The following MCUB variants were observed in gnomAD, a reference collection of about 807,000 sequenced individuals.
The protein encoded by MCUB is mitochondrial calcium uniporter dominant negative subunit beta, also known as calcium uniporter regulatory subunit MCUb, mitochondrial.
In MCUB, 46 loss-of-function variants were observed where a neutral mutation model predicts 41.4. That is an observed-to-expected ratio of 1.11 (90% confidence interval 0.88 to 1.42). The LOEUF (loss-of-function observed/expected upper bound fraction) is 1.42, where lower values mean the gene tolerates loss of function less well. Among genes scored for constraint, MCUB ranks in the 40% most tolerant of loss-of-function variants. The probability of loss-of-function intolerance (pLI) is 0.00; values close to 1 mark genes in which losing one functional copy is unlikely to be tolerated. For synonymous variants in MCUB, 148 were observed against 148.2 expected (o/e 1.00, Z 0.01); for missense variants, 403 against 404.9 (o/e 1.00, Z 0.04).
At chr4:109,614,713 TTCATCCG>T (rs1467647600) in intron 1 of MCUB, among the ~76,000 whole-genome samples, 13 of 151,298 alleles carry the variant, frequency 8.6e-5, no homozygotes, top group Non-Finnish European at 1.5e-5. Flanking sequence ...TTCCCCACTT[TTCATCCG>T]TCATCCTTTC....
chr4:109,654,631 T>C (rs555510915), intron 1 of MCUB, among the ~76,000 whole-genome samples: 4 of 151,992 alleles, frequency 2.6e-5, no homozygotes, highest in Admixed American at 2.6e-4. Context: ...GAAAAAAAAA[T>C]CATAGATCAA....
At chr4:109,603,024 G>T (rs759735501) in intron 1 of MCUB, among the ~76,000 whole-genome samples, 3 of 152,058 alleles carry the variant, frequency 2.0e-5, no homozygotes, top group Non-Finnish European at 2.9e-5. Context: ...ACTGATTTTT[G>T]TATGTTGATT....
rs1393164701 is a variant in MCUB at position 109,678,379 on chromosome 4, C to T, written c.452-4203C>T. On this transcript the variant is annotated intron_variant, in intron 4 of 7. Transcript: ENST00000394650. The stretch of plus-strand genomic sequence containing the variant: ...CCCAGGTGGGGCGGCCGGGCAGAGG[C>T]GCTCCTCACTTCCCACACGGGGCGG... Among the ~76,000 whole-genome samples the T allele has an allele frequency of 5.3e-5, 8 of 150,374 alleles. 1 individual carries two copies. The highest frequency in any genetic ancestry group is 3.5e-3 in the Middle Eastern group (1 of 286).
chr4:109,618,090 C>T (rs1008305715), intron 1 of MCUB, among the ~76,000 whole-genome samples: 1 of 152,212 alleles, frequency 6.6e-6, no homozygotes, highest in Admixed American at 6.5e-5. Context: ...TGTTTCATCT[C>T]AAACCCAAGC....
rs910882621 is a variant in MCUB at position 109,584,003 on chromosome 4, G to T, written c.99+23567G>T. Among the ~76,000 whole-genome samples the T allele has an allele frequency of 2.6e-5, 4 of 152,150 alleles. No individual in the cohort carries two copies. The East Asian group carries it at 7.7e-4, about 29-fold the overall frequency. ...AGGATTCCTTCTTTTTCTATTGATT[G>T]TAATAGTTTCAGAAGGAATGGTACC... On this transcript the variant is annotated intron_variant, in intron 1 of 7. Transcript: ENST00000394650.
chr4:109,580,595 C>T (rs1003507088), intron 1 of MCUB, among the ~76,000 whole-genome samples: 2 of 152,198 alleles, frequency 1.3e-5, no homozygotes, highest in African/African-American at 4.8e-5. Flanking sequence ...GATGGCATCT[C>T]ATTGTGGTTT....
At chr4:109,626,279 A>G (rs1382787269) in intron 1 of MCUB, among the ~76,000 whole-genome samples, 1 of 152,208 alleles carries the variant, frequency 6.6e-6, no homozygotes, top group Admixed American at 6.5e-5. Flanking sequence ...ACAAGAAAAA[A>G]AGTTCTTATC....
At chr4:109,604,546 A>G (rs1357957467) in intron 1 of MCUB, among the ~76,000 whole-genome samples, 1 of 152,158 alleles carries the variant, frequency 6.6e-6, no homozygotes, top group Non-Finnish European at 1.5e-5. Flanking sequence ...TAGGACTATC[A>G]ATACTATGGT....
At chr4:109,674,334 A>G (rs112424612) in intron 4 of MCUB, among the ~76,000 whole-genome samples, 5,232 of 152,292 alleles carry the variant, frequency 0.034, 298 homozygotes, top group African/African-American at 0.12. Flanking sequence ...CAAGGAAGTC[A>G]AGTTAACTTA....
At chr4:109,636,184 G>C (rs866091587) in intron 1 of MCUB, among the ~76,000 whole-genome samples, 1 of 152,160 alleles carries the variant, frequency 6.6e-6, no homozygotes, top group African/African-American at 2.4e-5. Context: ...GTTTTGGGAG[G>C]CCCACCACTG....
chr4:109,587,249 G>A (rs559960100), intron 1 of MCUB, among the ~76,000 whole-genome samples: 100 of 152,346 alleles, frequency 6.6e-4, no homozygotes, highest in Non-Finnish European at 8.2e-4. Flanking sequence ...CTCCATGGGC[G>A]TGGGACCCAC....
rs183530521 is a variant in MCUB at position 109,674,108 on chromosome 4, C to G, written c.452-8474C>G. ...TATTCCATGTATCGGGAATTCTGGG[C>G]AAAACCTAAGCCTTAGAAGAAGAGA... is the stretch of plus-strand genomic sequence containing the variant. On this transcript the variant is annotated intron_variant, in intron 4 of 7. Transcript: ENST00000394650. The G allele has an allele frequency of 3.5e-6, 5 of 1,444,484 alleles. No homozygotes were observed. In the East Asian group the frequency reaches 1.1e-4, roughly 33 times the overall value. The allele number at this position is 1,444,484 out of a possible 1,614,324, so 89.5% of individuals were successfully genotyped here. A position where few individuals can be genotyped will look rare whatever the true frequency, so the allele number is the denominator to read the frequency against.
rs117657519 is a variant in MCUB, at chr4:109,607,804, C to G, written c.99+47368C>G. ...GTTATTTGTTTCTTTTCTCTTGCTG[C>G]TTTTAGGAGCCTTTTCTTTATCCTT... On this transcript the variant is annotated intron_variant, in intron 1 of 7. Coordinates refer to ENST00000394650, the MANE Select transcript of MCUB (RefSeq NM_017918.5). Among the ~76,000 whole-genome samples the G allele has an allele frequency of 1.8e-3, 276 of 152,208 alleles. 8 individuals are homozygous for G. The East Asian group carries it at 0.052, about 28-fold the overall frequency.
intron 1 of MCUB, among the ~76,000 whole-genome samples, chr4:109,644,131 A>G (rs1347347666): frequency 6.6e-6 from 1 of 152,212 alleles, no homozygotes; most frequent in Non-Finnish European, 1.5e-5. Context: ...GCTTTGTTAG[A>G]AAAGTTATAG....
chr4:109,586,202 G>T (rs1727301937), intron 1 of MCUB, among the ~76,000 whole-genome samples: 1 of 151,886 alleles, frequency 6.6e-6, no homozygotes, highest in Admixed American at 6.6e-5. Context: ...TCATTAATTT[G>T]ATCTTCAATC....
chr4:109,655,308 A>G (rs557655062), intron 1 of MCUB, among the ~76,000 whole-genome samples: 2 of 152,270 alleles, frequency 1.3e-5, no homozygotes, highest in Admixed American at 1.3e-4. Flanking sequence ...GCATTCACCA[A>G]CCTGAAAATT....
chr4:109,678,722 G>A (rs1254605780), intron 4 of MCUB, among the ~76,000 whole-genome samples: 4 of 148,124 alleles, frequency 2.7e-5, no homozygotes, highest in Non-Finnish European at 3.0e-5. Context: ...TGGCCAAGCA[G>A]AGGCGCTCCC....
In MCUB at chr4:109,569,140, G is replaced by A. The variant is rs369063241; in HGVS notation, c.99+8704G>A. ...TGGCTCACTGCAAGCTCCGCCTCCCGGGTTCACGCCATTCTCCTGCCTCAG... is the reference window on the plus strand; with the variant it reads ...TGGCTCACTGCAAGCTCCGCCTCCCAGGTTCACGCCATTCTCCTGCCTCAG... On this transcript the variant is annotated intron_variant, in intron 1 of 7. Transcript: ENST00000394650. Among the ~76,000 whole-genome samples the A allele has an allele frequency of 9.2e-5, 14 of 152,038 alleles. No homozygotes were observed. The South Asian group carries it at 1.5e-3, about 16-fold the overall frequency.
chr4:109,646,449 G>T (rs992377213), intron 1 of MCUB, among the ~76,000 whole-genome samples: 1 of 152,022 alleles, frequency 6.6e-6, no homozygotes. Flanking sequence ...AGTGCTCTGG[G>T]CCGGGTCACC....
Sources: gnomAD v4.1 joint callset for allele counts (sites outside exome capture counted in the v4.1 genomes callset) on GRCh38, gnomAD v4.1.1 for gene constraint, MANE v1.5 for transcripts, NCBI Gene and HGNC (gene_info 2026-07-23, HGNC 2026-07-21) for gene names.